The following PEAK1 variants were observed in gnomAD, a reference collection of about 807,000 sequenced individuals.
PEAK1 encodes inactive tyrosine-protein kinase PEAK1.
In PEAK1, 54 loss-of-function variants were observed where a neutral mutation model predicts 124.7. The ratio of observed to expected loss-of-function variants is 0.43; its 90% CI spans 0.35 to 0.54. PEAK1 has a LOEUF of 0.54. Ranked by LOEUF, PEAK1 falls within the 20% of genes least tolerant of loss-of-function variation. The pLI is 0.01. For missense variants in PEAK1, 2,046 were observed against 2,134.5 expected, an observed-to-expected ratio of 0.96 and a Z score of 0.82; for synonymous variants, 719 against 760.0, an observed-to-expected ratio of 0.95 and a Z score of 0.89.
At chr15:77,329,877 G>A (rs2065795993) in intron 2 of PEAK1, among the ~76,000 whole-genome samples, 1 of 152,140 alleles carries the variant, frequency 6.6e-6, no homozygotes, top group Non-Finnish European at 1.5e-5. Context: ...ACAGTCCTCT[G>A]TAGTGGGGGA....
chr15:77,151,759 A>T (rs1294408345), intron 8 of PEAK1, among the ~76,000 whole-genome samples: 1 of 152,164 alleles, frequency 6.6e-6, no homozygotes, highest in Non-Finnish European at 1.5e-5. Context: ...ACCATTTATT[A>T]AATAGGGAAT....
chr15:77,397,927 T>A (rs2071033701), intron 1 of PEAK1, among the ~76,000 whole-genome samples: 2 of 151,500 alleles, frequency 1.3e-5, no homozygotes, highest in South Asian at 4.2e-4. Flanking sequence ...TAGCCAGGCA[T>A]GGTGGCGCAT....
intron 1 of PEAK1, among the ~76,000 whole-genome samples, chr15:77,407,904 CAT>C (rs1226523149): frequency 3.0e-5 from 4 of 131,784 alleles, no homozygotes; most frequent in Admixed American, 7.9e-5. Flanking sequence ...TATATATACA[CAT>C]ATATATACAC....
chr15:77,263,273 T>G (rs1284114164), intron 5 of PEAK1, among the ~76,000 whole-genome samples: 1 of 151,688 alleles, frequency 6.6e-6, no homozygotes, highest in Non-Finnish European at 1.5e-5. Flanking sequence ...CTGAAGGAAA[T>G]AGACACATAA....
intron 8 of PEAK1, among the ~76,000 whole-genome samples, chr15:77,146,780 T>A (rs1008456719): frequency 6.6e-6 from 1 of 152,214 alleles, no homozygotes; most frequent in African/African-American, 2.4e-5. Flanking sequence ...GAATAATGTC[T>A]GCTCAATAAT....
intron 1 of PEAK1, among the ~76,000 whole-genome samples, chr15:77,369,698 C>G (rs868663649): frequency 2.0e-5 from 3 of 148,904 alleles, no homozygotes; most frequent in South Asian, 2.1e-4. Context: ...ATGGATGAAA[C>G]AGGTCTTAGT....
At chr15:77,128,399 G>A (rs1347361971) in intron 9 of PEAK1, among the ~76,000 whole-genome samples, 2 of 152,196 alleles carry the variant, frequency 1.3e-5, no homozygotes, top group East Asian at 1.9e-4. Context: ...CATCAGGGCT[G>A]CTTTTCCCAC....
At chr15:77,291,914 T>C (rs1042814287) in intron 2 of PEAK1, among the ~76,000 whole-genome samples, 1 of 150,622 alleles carries the variant, frequency 6.6e-6, no homozygotes, top group Non-Finnish European at 1.5e-5. Flanking sequence ...GAGGCGGAGC[T>C]TGCAGTGAGC....
At chr15:77,120,652 T>C (rs1205158487) in intron 9 of PEAK1, among the ~76,000 whole-genome samples, 1 of 152,240 alleles carries the variant, frequency 6.6e-6, no homozygotes, top group African/African-American at 2.4e-5. Flanking sequence ...CTGCCTCTAA[T>C]GTGATCCCCT....
chr15:77,208,207 T>C (rs2058752718), intron 6 of PEAK1, among the ~76,000 whole-genome samples: 1 of 152,164 alleles, frequency 6.6e-6, no homozygotes, highest in South Asian at 2.1e-4. Context: ...GCAGTAACTA[T>C]CATCATTTTA....
At chr15:77,332,304 T>C (rs1482064569) in intron 2 of PEAK1, 5 of 984,812 alleles carry the variant, frequency 5.1e-6, no homozygotes, top group Admixed American at 6.2e-5. Context: ...TTTTTGTTTG[T>C]TGAAAAATTT....
intron 5 of PEAK1, among the ~76,000 whole-genome samples, chr15:77,253,919 A>G (rs2061002592): frequency 6.6e-6 from 1 of 152,140 alleles, no homozygotes; most frequent in African/African-American, 2.4e-5. Context: ...TCTGGGTTGA[A>G]GCGATTCTCC....
At chr15:77,417,852 T>A in intron 1 of PEAK1, 1 of 985,472 alleles carries the variant, frequency 1.0e-6, no homozygotes, top group Non-Finnish European at 1.2e-6. Flanking sequence ...TAGCTGATGC[T>A]TATTTGGCAA....
chr15:77,369,805 G>C (rs536430849), intron 1 of PEAK1, among the ~76,000 whole-genome samples: 1 of 152,230 alleles, frequency 6.6e-6, no homozygotes, highest in African/African-American at 2.4e-5. Flanking sequence ...CCATGATATT[G>C]CAAAGGCGCT....
intron 8 of PEAK1, among the ~76,000 whole-genome samples, chr15:77,149,157 G>C (rs564609724): frequency 6.6e-6 from 1 of 152,294 alleles, no homozygotes; most frequent in Admixed American, 6.5e-5. Context: ...AGCTCTTATA[G>C]AAACCTAAAT....
intron 8 of PEAK1, among the ~76,000 whole-genome samples, chr15:77,139,106 T>C (rs1596321061): frequency 6.6e-6 from 1 of 152,170 alleles, no homozygotes; most frequent in Non-Finnish European, 1.5e-5. Flanking sequence ...GGTGTCCTTA[T>C]AAGAAAAAGC....
At chr15:77,274,450 G>A (rs1224006400) in intron 5 of PEAK1, among the ~76,000 whole-genome samples, 5 of 151,830 alleles carry the variant, frequency 3.3e-5, no homozygotes, top group African/African-American at 1.2e-4. Flanking sequence ...GTGGGCTAAA[G>A]ACATGAATAG....
chr15:77,284,423 A>G (rs1231827383), intron 4 of PEAK1, among the ~76,000 whole-genome samples: 1 of 152,224 alleles, frequency 6.6e-6, no homozygotes, highest in Admixed American at 6.5e-5. Context: ...TACAAAATGT[A>G]TGAAAACAGG....
chr15:77,409,140 A>G lies in PEAK1; in HGVS notation c.-666+10866T>C, dbSNP rs1276378473. ...TCTTCCCTTGCGATAACAAAACTGA[A>G]TCTACTTTGAAAATTAAGAGGGGAC... On this transcript the variant is annotated intron_variant, in intron 1 of 9. Coordinates refer to ENST00000682557, the MANE Select transcript of PEAK1 (RefSeq NM_001385026.1). Among the ~76,000 whole-genome samples the G allele has an allele frequency of 3.9e-5, 6 of 152,150 alleles. No homozygotes were observed. The East Asian group carries it at 9.6e-4, about 24-fold the overall frequency.
Sources: allele counts gnomAD v4.1 joint callset (sites outside exome capture counted in the v4.1 genomes callset), GRCh38; gene constraint gnomAD v4.1.1; transcripts MANE v1.5; gene names NCBI Gene and HGNC (gene_info 2026-07-23, HGNC 2026-07-21).